GPC6: variants seen among roughly 807,000 people sequenced by gnomAD.
GPC6 encodes the protein glypican 6.
A neutral mutation model predicts 55.2 loss-of-function variants in GPC6; 14 were observed. That is an observed-to-expected ratio of 0.25 (90% CI 0.17 to 0.40). The LOEUF is 0.40. Ranked by LOEUF, GPC6 falls within the 10% of genes least tolerant of loss-of-function variation. The pLI is 1.00. For synonymous variants in GPC6, 278 were observed against 259.6 expected (o/e 1.07, Z -0.68); for missense variants, 641 against 708.5 (o/e 0.90, Z 1.08).
In GPC6 at chr13:93,513,976, C is replaced by T. The variant is rs566901188; in HGVS notation, c.161-31287C>T. Among the ~76,000 whole-genome samples the T allele has an allele frequency of 1.1e-3, 154 of 144,452 alleles. 2 individuals carry two copies. The South Asian group carries it at 0.032, about 30-fold the overall frequency. The allele number at this position is 144,452 out of a possible 152,430, so 94.8% of individuals were successfully genotyped here. On this transcript the variant is annotated intron_variant, in intron 1 of 8. Coordinates refer to ENST00000377047, the MANE Select transcript of GPC6 (RefSeq NM_005708.5). The stretch of plus-strand genomic sequence containing the variant: ...GCAACCTCCACCTCCCAGGTTGAAG[C>T]GATTGTCCTGCCTCAGCCTCCCAAG...
At chr13:93,570,506 TAA>T (rs1876349893) in intron 2 of GPC6, among the ~76,000 whole-genome samples, 1 of 152,160 alleles carries the variant, frequency 6.6e-6, no homozygotes, top group African/African-American at 2.4e-5. Flanking sequence ...CGATGTTCTA[TAA>T]ATAGTCATTT....
At chr13:93,682,540 A>G (rs1026577904) in intron 2 of GPC6, among the ~76,000 whole-genome samples, 3 of 152,116 alleles carry the variant, frequency 2.0e-5, no homozygotes, top group Non-Finnish European at 1.5e-5. Flanking sequence ...ATTCCACAGC[A>G]TCCTCTGCAC....
chr13:93,889,709 T>A lies in GPC6; in HGVS notation c.711+59164T>A, dbSNP rs554737150. Among the ~76,000 whole-genome samples, 78 of 152,226 alleles carry A rather than the reference T, an allele frequency of 5.1e-4. 1 individual carries two copies. The highest frequency in any genetic ancestry group is 8.7e-4 in the Non-Finnish European group (59 of 68,006). ...ATTTTCAGAAGCAGTCAGCGAAAAG[T>A]CAAAGGTTTCTTTTTATTCTGGCCC... On this transcript the variant is annotated intron_variant, in intron 3 of 8. Transcript: ENST00000377047.
At chr13:93,275,575 G>A (rs1877705256) in intron 1 of GPC6, among the ~76,000 whole-genome samples, 1 of 152,152 alleles carries the variant, frequency 6.6e-6, no homozygotes, top group African/African-American at 2.4e-5. Flanking sequence ...AGAGATCAAG[G>A]TATAGGCAGC....
At chr13:94,046,243 G>A (rs899808980) in intron 4 of GPC6, among the ~76,000 whole-genome samples, 10 of 152,114 alleles carry the variant, frequency 6.6e-5, no homozygotes, top group Middle Eastern at 3.4e-3. Context: ...TTGCACACAG[G>A]CCACTCATTC....
chr13:93,932,277 C>T (rs1878217205), intron 3 of GPC6, among the ~76,000 whole-genome samples: 2 of 152,064 alleles, frequency 1.3e-5, no homozygotes, highest in South Asian at 2.1e-4. Flanking sequence ...AATGAATAGG[C>T]TAGTCAAAAT....
intron 2 of GPC6, among the ~76,000 whole-genome samples, chr13:93,572,926 C>T (rs1876476810): frequency 6.6e-6 from 1 of 152,068 alleles, no homozygotes; most frequent in Non-Finnish European, 1.5e-5. Flanking sequence ...GAGCCCACAA[C>T]ATTAGAAAGA....
chr13:93,511,084 T>C (rs1284368716), intron 1 of GPC6, among the ~76,000 whole-genome samples: 1 of 147,644 alleles, frequency 6.8e-6, no homozygotes, highest in African/African-American at 2.5e-5. Flanking sequence ...TTGAATATTC[T>C]GGATGTTAGT....
Position 94,107,593 on chromosome 13 carries a change from T to C in GPC6, c.877+79699T>C, listed in dbSNP as rs1232363070. On this transcript the variant is annotated intron_variant, in intron 4 of 8. Transcript: ENST00000377047. ...TTTCTTTCTCTTTTTTTTTTTTTTT[T>C]CCACCTGCAAGATGGGACTCATGAG... Among the ~76,000 whole-genome samples, 9 of 142,644 alleles carry C rather than the reference T, an allele frequency of 6.3e-5. No homozygotes were observed. The East Asian group carries it at 1.0e-3, about 16-fold the overall frequency. The allele number at this position is 142,644 out of a possible 152,430, so 93.6% of individuals were successfully genotyped here.
rs1313118638 is a variant in GPC6, at chr13:93,227,747, C to T, written c.160+131C>T. 4.3e-6 allele frequency: 3 copies of T among 691,240 alleles called. No individual in the cohort carries two copies. Among genetic ancestry groups the T allele is most frequent in the Non-Finnish European group, 4.8e-6 (2 of 419,886 alleles). 42.8% of individuals were successfully genotyped at this position (691,240 alleles called of 1,614,324 possible). On this transcript the variant is annotated intron_variant, in intron 1 of 8. Transcript: ENST00000377047. This position sits in a 1 kb window ranked among gnomAD's most constrained non-coding sequence, Gnocchi z 4.3. ...ACTTTCTGCCACCGCTATGGGACTC[C>T]GCGTCTCCGTGTTGGGCGGCGGATG...
intron 4 of GPC6, among the ~76,000 whole-genome samples, chr13:94,213,234 T>G (rs1890134667): frequency 6.6e-6 from 1 of 152,166 alleles, no homozygotes; most frequent in South Asian, 2.1e-4. Context: ...CTTCTCTTTC[T>G]CTCTCTAACT....
At chr13:93,651,976 C>G (rs1880437909) in intron 2 of GPC6, among the ~76,000 whole-genome samples, 1 of 152,124 alleles carries the variant, frequency 6.6e-6, no homozygotes, top group South Asian at 2.1e-4. Flanking sequence ...AACCACTGGG[C>G]TAAATGATAA....
intron 1 of GPC6, among the ~76,000 whole-genome samples, chr13:93,384,283 T>C (rs1875302567): frequency 6.6e-6 from 1 of 152,026 alleles, no homozygotes; most frequent in African/African-American, 2.4e-5. Context: ...AGAAAGGAGA[T>C]GAGTGGCCTA....
chr13:93,539,449 G>C (rs1230037763), intron 1 of GPC6, among the ~76,000 whole-genome samples: 7 of 152,154 alleles, frequency 4.6e-5, no homozygotes, highest in African/African-American at 1.4e-4. Context: ...GTCTCAGTAA[G>C]AGGATCTCGG....
Position 94,403,800 on chromosome 13 carries a change from A to T in GPC6, c.*583A>T, listed in dbSNP as rs1258307680. ...TAGTGAAAATGCACTGTTGTCTTGG[A>T]GGTATCATCTTGCACTCTAACCAAA... On this transcript the variant is annotated 3_prime_UTR_variant, in exon 9 of 9. Coordinates refer to ENST00000377047, the MANE Select transcript of GPC6 (RefSeq NM_005708.5). 5.7e-6 allele frequency: 1 copy of T among 174,560 alleles called. No individual in the cohort carries two copies. The highest frequency in any genetic ancestry group is 1.5e-4 in the East Asian group (1 of 6,572). 10.8% of individuals were successfully genotyped at this position (174,560 alleles called of 1,614,324 possible).
At chr13:94,002,430 CAG>C (rs1220079680) in intron 3 of GPC6, among the ~76,000 whole-genome samples, 1 of 152,146 alleles carries the variant, frequency 6.6e-6, no homozygotes, top group African/African-American at 2.4e-5. Context: ...AAGAACATAA[CAG>C]ATAAATGTAT....
chr13:93,233,698 A>G, intron 1 of GPC6, among the ~76,000 whole-genome samples: 1 of 152,278 alleles, frequency 6.6e-6, no homozygotes, highest in East Asian at 1.9e-4. Context: ...TTCAGTAAGG[A>G]AGCAGGAGTG....
chr13:93,707,622 A>T (rs1882898017), intron 2 of GPC6, among the ~76,000 whole-genome samples: 1 of 151,846 alleles, frequency 6.6e-6, no homozygotes, highest in Non-Finnish European at 1.5e-5. Flanking sequence ...ATGCATAACA[A>T]GGGTTTGCCT....
chr13:93,347,336 A>AT (rs1490123557), intron 1 of GPC6, among the ~76,000 whole-genome samples: 2 of 152,110 alleles, frequency 1.3e-5, no homozygotes, highest in Non-Finnish European at 2.9e-5. Flanking sequence ...TTGTGGTGAG[A>AT]TTTTTTTAAG....
Sources: allele counts gnomAD v4.1 joint callset (sites outside exome capture counted in the v4.1 genomes callset), GRCh38; gene constraint gnomAD v4.1.1; non-coding constraint Gnocchi (gnomAD v3.1); transcripts MANE v1.5; gene names NCBI Gene and HGNC (gene_info 2026-07-23, HGNC 2026-07-21).